Variants in PPARGC1A observed in about 807,000 individuals in gnomAD.
PPARGC1A encodes PPARG coactivator 1 alpha.
In PPARGC1A, 25 loss-of-function variants were observed where a neutral mutation model predicts 88.7. That is an observed-to-expected ratio of 0.28 (90% CI 0.21 to 0.39). The LOEUF is 0.39. Ranked by LOEUF, PPARGC1A falls within the 10% of genes least tolerant of loss-of-function variation. The pLI is 1.00. For missense variants in PPARGC1A, 880 were observed against 968.7 expected, an observed-to-expected ratio of 0.91 and a Z score of 1.22; for synonymous variants, 363 against 355.6, an observed-to-expected ratio of 1.02 and a Z score of -0.24.
intron 1 of PPARGC1A, among the ~76,000 whole-genome samples, chr4:23,885,814 TAG>T (rs1264703494): frequency 6.6e-6 from 1 of 152,234 alleles, no homozygotes; most frequent in Non-Finnish European, 1.5e-5. Flanking sequence ...TATTTTTGTT[TAG>T]AGTTTTAAAA....
chr4:24,223,443 T>G, the PPARGC1A span, among the ~76,000 whole-genome samples: 21 of 152,230 alleles, frequency 1.4e-4, no homozygotes, highest in East Asian at 4.1e-3. Flanking sequence ...AGAAATGGGA[T>G]TTCACCATGT....
the PPARGC1A span, among the ~76,000 whole-genome samples, chr4:24,031,737 C>G: frequency 6.6e-6 from 1 of 152,126 alleles, no homozygotes; most frequent in East Asian, 1.9e-4. Context: ...CAAAGTCACC[C>G]CCAACTGAGA....
At chr4:24,321,167 G>A in the PPARGC1A span, among the ~76,000 whole-genome samples, 2 of 152,142 alleles carry the variant, frequency 1.3e-5, no homozygotes, top group African/African-American at 2.4e-5. Context: ...TGCCGGTGTC[G>A]ATTCCCTCAT....
chr4:24,433,142 A>G, the PPARGC1A span, among the ~76,000 whole-genome samples: 4 of 152,198 alleles, frequency 2.6e-5, no homozygotes, highest in African/African-American at 9.6e-5. Context: ...CCTGGGTAAT[A>G]GCTAATGGGT....
the PPARGC1A span, among the ~76,000 whole-genome samples, chr4:23,978,451 G>A: frequency 1.5e-4 from 23 of 152,306 alleles, no homozygotes; most frequent in Admixed American, 5.2e-4. Context: ...CAATTAAGGC[G>A]TCGAGCCTCT....
the PPARGC1A span, among the ~76,000 whole-genome samples, chr4:23,972,673 A>T: frequency 1.1e-4 from 17 of 152,146 alleles, no homozygotes; most frequent in Non-Finnish European, 2.5e-4. Flanking sequence ...TATTCACCAC[A>T]CTCATGAATA....
At chr4:24,301,408 T>C in the PPARGC1A span, among the ~76,000 whole-genome samples, 1 of 152,076 alleles carries the variant, frequency 6.6e-6, no homozygotes, top group Non-Finnish European at 1.5e-5. Context: ...AAATTGCAAA[T>C]AGCCCTATGG....
At chr4:24,387,818 A>AAGAAAGAAAGAAAG in the PPARGC1A span, among the ~76,000 whole-genome samples, 1 of 81,076 alleles carries the variant, frequency 1.2e-5, no homozygotes, top group African/African-American at 4.8e-5. Flanking sequence ...GAAAGAAAGA[A>AAGAAAGAAAGAAAG]AGAAAGAGAG....
chr4:24,084,829 T>C, the PPARGC1A span, among the ~76,000 whole-genome samples: 1 of 152,214 alleles, frequency 6.6e-6, no homozygotes, highest in Admixed American at 6.5e-5. Context: ...AAAAAGGGTC[T>C]TCTTAGGAGA....
At chr4:23,845,997 G>A (rs1728244682) in intron 2 of PPARGC1A, among the ~76,000 whole-genome samples, 1 of 152,160 alleles carries the variant, frequency 6.6e-6, no homozygotes, top group African/African-American at 2.4e-5. Context: ...AGCATGCACA[G>A]TGGAGAAGCA....
chr4:24,061,893 T>A, the PPARGC1A span, among the ~76,000 whole-genome samples: 2 of 152,276 alleles, frequency 1.3e-5, no homozygotes, highest in South Asian at 2.1e-4. Context: ...TCCATCGAGT[T>A]TGGGAGGGCC....
chr4:24,327,480 T>C, the PPARGC1A span, among the ~76,000 whole-genome samples: 25 of 152,230 alleles, frequency 1.6e-4, no homozygotes, highest in Admixed American at 1.6e-3. Flanking sequence ...TCTAATTAGA[T>C]GTCCTAGGTC....
the PPARGC1A span, among the ~76,000 whole-genome samples, chr4:24,178,083 G>A: frequency 6.6e-6 from 1 of 152,328 alleles, no homozygotes; most frequent in South Asian, 2.1e-4. Flanking sequence ...GAAAATATTT[G>A]AGATAAAAGA....
At chr4:23,912,071 T>C in the PPARGC1A span, among the ~76,000 whole-genome samples, 2 of 152,150 alleles carry the variant, frequency 1.3e-5, no homozygotes, top group Non-Finnish European at 2.9e-5. Context: ...ATATGAGAAA[T>C]GAATTTTTTA....
the PPARGC1A span, among the ~76,000 whole-genome samples, chr4:24,099,052 G>A: frequency 6.6e-6 from 1 of 152,078 alleles, no homozygotes; most frequent in Non-Finnish European, 1.5e-5. Context: ...AGAGAGCCCA[G>A]AGACACAGGG....
chr4:24,148,861 A>G, the PPARGC1A span, among the ~76,000 whole-genome samples: 1 of 152,244 alleles, frequency 6.6e-6, no homozygotes, highest in Non-Finnish European at 1.5e-5. Flanking sequence ...AAGTAAGGAC[A>G]TTCACAAACA....
chr4:24,163,159 G>A, the PPARGC1A span, among the ~76,000 whole-genome samples: 6 of 148,750 alleles, frequency 4.0e-5, no homozygotes, highest in Non-Finnish European at 5.9e-5. Context: ...CAAGCCCTGT[G>A]ATCAACAGCA....
At chr4:24,384,939 C>T in the PPARGC1A span, among the ~76,000 whole-genome samples, 1 of 152,200 alleles carries the variant, frequency 6.6e-6, no homozygotes, top group South Asian at 2.1e-4. Flanking sequence ...ACAGAATATA[C>T]ATTCTTCTCA....
the PPARGC1A span, among the ~76,000 whole-genome samples, chr4:24,147,430 A>C: frequency 1.3e-5 from 2 of 151,526 alleles, no homozygotes; most frequent in Non-Finnish European, 2.9e-5. Flanking sequence ...GCTTGAGAGG[A>C]CTCCTCTCTA....
Sources: gnomAD v4.1 joint callset for allele counts (sites outside exome capture counted in the v4.1 genomes callset) on GRCh38, gnomAD v4.1.1 for gene constraint, MANE v1.5 for transcripts, NCBI Gene and HGNC (gene_info 2026-07-23, HGNC 2026-07-21) for gene names.